The following MARK4 variants were observed in gnomAD, a reference collection of about 807,000 sequenced individuals.
MARK4 encodes the protein MAP/microtubule affinity-regulating kinase 4.
Under a neutral mutation model 81.5 loss-of-function variants are expected in MARK4, and 19 were observed. That is an observed-to-expected ratio of 0.23 (90% CI 0.16 to 0.34). The LOEUF (loss-of-function observed/expected upper bound fraction) is 0.34. MARK4 is among the 10% of genes least tolerant of loss of function. The pLI is 1.00. For missense variants in MARK4, 772 were observed against 1,058.8 expected (o/e 0.73, Z 3.76); for synonymous variants, 436 against 439.0 (o/e 0.99, Z 0.08).
intron 14 of MARK4, 33 bp from the exon 15 acceptor site, chr19:45,297,643 C>A: frequency 2.8e-6 from 4 of 1,443,610 alleles, no homozygotes; most frequent in Non-Finnish European, 3.7e-6. Context: ...CTGCCTCAGT[C>A]CCCCACCCTG....
At chr19:45,282,236 A>G (rs927348124) in intron 12 of MARK4, among the ~76,000 whole-genome samples, 1 of 151,724 alleles carries the variant, frequency 6.6e-6, no homozygotes, top group African/African-American at 2.4e-5. Context: ...AATTAAAAAA[A>G]AAAAAAAAAG....
At position 45,251,545 on chromosome 19, in the gene MARK4, G is replaced by GCC; in HGVS notation, c.-37_-36dup. On this transcript the variant is annotated 5_prime_UTR_variant, in exon 1 of 17. Transcript: ENST00000262891. Reference sequence around the variant, plus strand: ...GAAGAGAGGGGACCCTGGGACCCCCGCCCCCCCCACCCGGCCGCCCCTGCC... The same window carrying GCC: ...GAAGAGAGGGGACCCTGGGACCCCCGCCCCCCCCCCACCCGGCCGCCCCTGCC... The GCC allele has an allele frequency of 7.0e-6, 1 of 142,354 alleles. No homozygotes were observed. Among genetic ancestry groups the GCC allele is most frequent in the South Asian group, 7.9e-5 (1 of 12,692 alleles). The allele number at this position is 142,354 out of a possible 1,614,324, so 8.8% of individuals were successfully genotyped here. A position where few individuals can be genotyped will look rare whatever the true frequency, so the allele number is the denominator to read the frequency against.
chr19:45,269,586 C>G (rs889156071), intron 7 of MARK4, among the ~76,000 whole-genome samples: 1 of 151,992 alleles, frequency 6.6e-6, no homozygotes, highest in Non-Finnish European at 1.5e-5. Flanking sequence ...AGGGAAGGAC[C>G]GCAGTTGGGA....
intron 12 of MARK4, among the ~76,000 whole-genome samples, chr19:45,285,056 A>C (rs1970724178): frequency 6.6e-6 from 1 of 152,076 alleles, no homozygotes; most frequent in African/African-American, 2.4e-5. Flanking sequence ...GTGCCATTGC[A>C]CTTCAGCCTG....
chr19:45,289,472 T>C (rs1015813194), intron 13 of MARK4, among the ~76,000 whole-genome samples: 1 of 150,520 alleles, frequency 6.6e-6, no homozygotes, highest in Admixed American at 6.6e-5. Context: ...AAGATTTTGC[T>C]CTTTAACAAA....
At chr19:45,264,589 G>C (rs910324408) in intron 4 of MARK4, 95 bp from the exon 5 acceptor site, 1 of 1,142,100 alleles carries the variant, frequency 8.8e-7, no homozygotes, top group African/African-American at 1.5e-5. Flanking sequence ...AGTTGGGGTG[G>C]GGGTGTTATG....
intron 8 of MARK4, among the ~76,000 whole-genome samples, chr19:45,277,187 C>T (rs904259521): frequency 5.3e-5 from 8 of 152,058 alleles, no homozygotes; most frequent in South Asian, 4.1e-4. Flanking sequence ...AAGTGATTCT[C>T]GTGCCTCAGC....
chr19:45,292,694 T>G lies in MARK4; in HGVS notation c.1495-1655T>G, dbSNP rs188007680. On this transcript the variant is annotated intron_variant, in intron 13 of 16. Transcript: ENST00000262891. ...GAGTTCAAGACCAGCCTGGACAACATAGACCCTGTCTCTGCCAAAAATAAA... is the reference window on the plus strand; with the variant it reads ...GAGTTCAAGACCAGCCTGGACAACAGAGACCCTGTCTCTGCCAAAAATAAA... Among the ~76,000 whole-genome samples the G allele has an allele frequency of 4.9e-3, 744 of 151,786 alleles. 27 individuals carry two copies. Among genetic ancestry groups the G allele is most frequent in the Admixed American group, 0.047 (713 of 15,218 alleles).
intron 1 of MARK4, among the ~76,000 whole-genome samples, chr19:45,258,106 C>T (rs906198739): frequency 6.6e-6 from 1 of 151,874 alleles, no homozygotes; most frequent in Admixed American, 6.6e-5. Context: ...CTGCCTCAGC[C>T]TCCAGAGTAG....
chr19:45,252,900 C>T (rs908603538), intron 1 of MARK4, among the ~76,000 whole-genome samples: 2 of 152,096 alleles, frequency 1.3e-5, no homozygotes, highest in African/African-American at 2.4e-5. Flanking sequence ...GCCCCCTTCT[C>T]TGATTCCTAG....
chr19:45,299,550 TGTAA>T (rs149991713), intron 15 of MARK4, among the ~76,000 whole-genome samples: 1,547 of 152,342 alleles, frequency 0.01, 22 homozygotes, highest in African/African-American at 0.036. Context: ...CACTTATCTA[TGTAA>T]GGGTGTGTCT....
At chr19:45,259,761 T>G (rs1970357432) in intron 2 of MARK4, among the ~76,000 whole-genome samples, 2 of 151,176 alleles carry the variant, frequency 1.3e-5, no homozygotes, top group Non-Finnish European at 2.9e-5. Flanking sequence ...GGTAACAGAG[T>G]GAGACCCTAT....
chr19:45,266,975 G>A (rs958386576), intron 7 of MARK4, among the ~76,000 whole-genome samples: 1 of 151,752 alleles, frequency 6.6e-6, no homozygotes, highest in Admixed American at 6.6e-5. Context: ...CTTGTGATCC[G>A]CCCGCCTCAG....
intron 10 of MARK4, chr19:45,280,118 G>C: frequency 2.4e-6 from 1 of 421,936 alleles, no homozygotes; most frequent in South Asian, 2.3e-5. Flanking sequence ...GGAGGCCCAG[G>C]TGGGTGGATT....
intron 2 of MARK4, among the ~76,000 whole-genome samples, chr19:45,260,586 A>C (rs1970368291): frequency 6.6e-6 from 1 of 151,800 alleles, no homozygotes; most frequent in Non-Finnish European, 1.5e-5. Flanking sequence ...AAGCCCAGCT[A>C]CCTGGAAGGC....
intron 2 of MARK4, among the ~76,000 whole-genome samples, chr19:45,260,439 C>T (rs1970366410): frequency 6.8e-6 from 1 of 147,908 alleles, no homozygotes; most frequent in African/African-American, 2.5e-5. Flanking sequence ...TACCAACAAA[C>T]ACAGCGCTTT....
intron 7 of MARK4, among the ~76,000 whole-genome samples, chr19:45,270,596 G>GTTCTAGCT (rs1970513818): frequency 6.6e-6 from 1 of 152,140 alleles, no homozygotes; most frequent in Admixed American, 6.6e-5. Context: ...ATGAAATACT[G>GTTCTAGCT]TTCTAGCTTT....
Position 45,274,126 on chromosome 19 carries a change from G to A in MARK4, c.786+2418G>A, listed in dbSNP as rs185238457. 4.3e-3 allele frequency among the ~76,000 whole-genome samples: 656 copies of A among 152,312 alleles called. 3 individuals are homozygous for A. Among genetic ancestry groups the A allele is most frequent in the Non-Finnish European group, 7.1e-3 (486 of 68,036 alleles). ...TAGCCGGGCGTGGTGGCAGGCGCCT[G>A]TAGTCCCAGCCACTCGGGTGGCTGA... On this transcript the variant is annotated intron_variant, in intron 8 of 16. Coordinates refer to ENST00000262891, the MANE Select transcript of MARK4 (RefSeq NM_001199867.2).
intron 8 of MARK4, among the ~76,000 whole-genome samples, chr19:45,276,377 T>C (rs345409): frequency 0.42 from 64,438 of 152,000 alleles, 14,632 homozygotes; most frequent in African/African-American, 0.56. Context: ...TCTGCCAAGC[T>C]ATGGATTTAT....
Sources: allele counts gnomAD v4.1 joint callset (sites outside exome capture counted in the v4.1 genomes callset), GRCh38; gene constraint gnomAD v4.1.1; transcripts MANE v1.5; gene names NCBI Gene and HGNC (gene_info 2026-07-23, HGNC 2026-07-21).